Variants in C3orf22 observed in about 807,000 individuals in gnomAD.
The protein encoded by C3orf22 is chromosome 3 open reading frame 22.
In C3orf22, 7 loss-of-function variants were observed where a neutral mutation model predicts 10.8. That is an observed-to-expected ratio of 0.65 (90% CI 0.37 to 1.22). The LOEUF (loss-of-function observed/expected upper bound fraction) is 1.22, where lower values mean the gene tolerates loss of function less well. Among genes scored for constraint, C3orf22 ranks in the 50% most tolerant of loss-of-function variants. The pLI is 0.02. For synonymous variants in C3orf22, 79 were observed against 78.9 expected, an observed-to-expected ratio of 1.00 and a Z score of 0.00; for missense variants, 173 against 177.0, an observed-to-expected ratio of 0.98 and a Z score of 0.13.
chr3:126,529,344 C>G (rs751729882), exon 5 of C3orf22: 1 of 1,289,328 alleles, frequency 7.8e-7, no homozygotes, highest in South Asian at 1.2e-5. Flanking sequence ...GGTATTTCCT[C>G]ATGGGTCAGT....
intron 1 of C3orf22, among the ~76,000 whole-genome samples, chr3:126,554,759 C>T (rs930609684): frequency 2.0e-5 from 3 of 152,122 alleles, no homozygotes; most frequent in Non-Finnish European, 2.9e-5. Flanking sequence ...GTGACAATGC[C>T]GACTGCCTGC....
intron 4 of C3orf22, among the ~76,000 whole-genome samples, chr3:126,531,606 T>A (rs1936661547): frequency 6.6e-6 from 1 of 152,242 alleles, no homozygotes; most frequent in Admixed American, 6.5e-5. Context: ...TAACATAACG[T>A]TTACAAGGTT....
intron 4 of C3orf22, chr3:126,542,424 C>A (rs1936984958): frequency 9.0e-6 from 14 of 1,551,712 alleles, no homozygotes; most frequent in African/African-American, 1.4e-5. Flanking sequence ...TTCCCTGGGC[C>A]GCCGCGGCCC....
intron 4 of C3orf22, chr3:126,541,701 C>T: frequency 1.1e-5 from 15 of 1,412,842 alleles, no homozygotes; most frequent in Non-Finnish European, 1.4e-5. Flanking sequence ...TGCCCTGACG[C>T]GTCCCCCTGT....
intron 1 of C3orf22, among the ~76,000 whole-genome samples, chr3:126,555,107 C>T (rs1040254553): frequency 2.6e-5 from 4 of 152,218 alleles, no homozygotes; most frequent in African/African-American, 9.6e-5. Context: ...TCTGGCCACT[C>T]GGAGGAAGTC....
At chr3:126,536,291 G>C (rs761995292) in intron 4 of C3orf22, 1 of 1,613,864 alleles carries the variant, frequency 6.2e-7, no homozygotes. Flanking sequence ...CAGAGCCCTG[G>C]GCTCCAGCTG....
chr3:126,552,261 C>T, intron 2 of C3orf22, 139 bp from the exon 3 acceptor site: 2 of 1,359,504 alleles, frequency 1.5e-6, no homozygotes, highest in Non-Finnish European at 2.0e-6. Context: ...AGCTGACAAG[C>T]ATGCTGTGAG....
At chr3:126,536,881 T>TCA (rs1466141039) in intron 4 of C3orf22, among the ~76,000 whole-genome samples, 9 of 117,806 alleles carry the variant, frequency 7.6e-5, no homozygotes, top group East Asian at 2.2e-4. Context: ...TCTCTCTTTC[T>TCA]CACACACACA....
At chr3:126,538,510 G>T (rs888082630) in intron 4 of C3orf22, among the ~76,000 whole-genome samples, 1 of 152,250 alleles carries the variant, frequency 6.6e-6, no homozygotes, top group South Asian at 2.1e-4. Context: ...CGAAGCTGAA[G>T]ATATGGCTCC....
intron 4 of C3orf22, chr3:126,542,673 A>T: frequency 1.5e-6 from 2 of 1,376,398 alleles, no homozygotes; most frequent in South Asian, 3.4e-5. Flanking sequence ...CCCCTCTTCA[A>T]GAGCCACTGC....
intron 4 of C3orf22, chr3:126,541,672 A>G: frequency 7.4e-7 from 1 of 1,353,358 alleles, no homozygotes; most frequent in Non-Finnish European, 9.6e-7. Flanking sequence ...GGGCAGCGCC[A>G]GAGTCAGGGA....
intron 4 of C3orf22, among the ~76,000 whole-genome samples, chr3:126,544,653 C>G (rs1268498575): frequency 6.6e-6 from 1 of 152,216 alleles, no homozygotes; most frequent in Admixed American, 6.5e-5. Context: ...CCCGATGGGA[C>G]CTGTTTGCTG....
At chr3:126,536,424 A>G in intron 4 of C3orf22, 1 of 1,210,922 alleles carries the variant, frequency 8.3e-7, no homozygotes, top group Non-Finnish European at 1.2e-6. Context: ...GCAACAGTGC[A>G]GACCTGCTGG....
At chr3:126,548,853 C>T (rs1937114136), downstream of C3orf22, among the ~76,000 whole-genome samples, 1 of 152,154 alleles carries the variant, frequency 6.6e-6, no homozygotes, top group African/African-American at 2.4e-5. Context: ...ACTTCACTTC[C>T]TTTCTGAGAC....
At chr3:126,545,729 C>T (rs576711639), downstream of C3orf22, among the ~76,000 whole-genome samples, 162 of 152,308 alleles carry the variant, frequency 1.1e-3, no homozygotes, top group Middle Eastern at 0.041. Flanking sequence ...TCTCAGGATG[C>T]CACCTTTCCC....
intron 4 of C3orf22, among the ~76,000 whole-genome samples, chr3:126,537,459 AG>A (rs1936822119): frequency 6.6e-6 from 1 of 152,172 alleles, no homozygotes; most frequent in African/African-American, 2.4e-5. Flanking sequence ...GAGAAGGATC[AG>A]GGTGGTGTTG....
At chr3:126,539,791 C>CAT (rs1936898154) in intron 4 of C3orf22, among the ~76,000 whole-genome samples, 1 of 79,136 alleles carries the variant, frequency 1.3e-5, no homozygotes, top group Non-Finnish European at 2.6e-5. Flanking sequence ...ACACCACACA[C>CAT]CACAGACACC....
intron 3 of C3orf22, 49 bp from the exon 4 acceptor site, chr3:126,550,127 C>A: frequency 6.2e-7 from 1 of 1,602,958 alleles, no homozygotes; most frequent in Non-Finnish European, 8.5e-7. Flanking sequence ...CCCCTGCTGG[C>A]TGCAGCCATT....
In C3orf22 at chr3:126,531,208, C is replaced by G. The variant is rs995948113; in HGVS notation, c.287-1836G>C. 3.9e-5 allele frequency among the ~76,000 whole-genome samples: 6 copies of G among 152,350 alleles called. 1 individual carries two copies. Among genetic ancestry groups the G allele is most frequent in the South Asian group, 4.1e-4 (2 of 4,826 alleles). ...AATGCAGATTCTTGGGCCCCACCCC[C>G]CAACCTACTGGACCAGAAACTCTAG... is the stretch of plus-strand genomic sequence containing the variant. On this transcript the variant is annotated intron_variant and NMD_transcript_variant, in intron 4 of 5. Transcript: ENST00000505070.
Sources: allele counts gnomAD v4.1 joint callset (sites outside exome capture counted in the v4.1 genomes callset), GRCh38; gene constraint gnomAD v4.1.1; transcripts MANE v1.5; gene names NCBI Gene and HGNC (gene_info 2026-07-23, HGNC 2026-07-21).